The following PDE7B variants were observed in gnomAD, a reference collection of about 807,000 sequenced individuals.
PDE7B encodes 3',5'-cyclic-AMP phosphodiesterase 7B.
A neutral mutation model predicts 56.2 loss-of-function variants in PDE7B; 29 were observed. The observed-to-expected ratio is 0.52, with a 90% confidence interval of 0.38 to 0.70. PDE7B has a LOEUF of 0.70. Ranked by LOEUF, PDE7B falls within the 30% of genes least tolerant of loss-of-function variation. The pLI, the probability that PDE7B is intolerant of heterozygous loss-of-function variation, is 0.00. For synonymous variants in PDE7B, 197 were observed against 196.9 expected, an observed-to-expected ratio of 1.00 and a Z score of 0.00; for missense variants, 490 against 565.0, an observed-to-expected ratio of 0.87 and a Z score of 1.35.
At chr6:136,159,841 A>C (rs1778673711) in intron 8 of PDE7B, among the ~76,000 whole-genome samples, 1 of 152,196 alleles carries the variant, frequency 6.6e-6, no homozygotes, top group Non-Finnish European at 1.5e-5. Context: ...CAACAAATAG[A>C]GGAAAAAAAC....
chr6:136,051,351 T>G (rs867912570), intron 2 of PDE7B, among the ~76,000 whole-genome samples: 1 of 152,272 alleles, frequency 6.6e-6, no homozygotes, highest in Middle Eastern at 3.4e-3. Context: ...CGTCAGCAGT[T>G]TAGATAAGTC....
At position 135,894,556 on chromosome 6, in the gene PDE7B, G is replaced by A. The variant is rs186556071; in HGVS notation, c.21+42537G>A. 2.6e-5 allele frequency among the ~76,000 whole-genome samples: 4 copies of A among 152,170 alleles called. No homozygotes were observed. In the East Asian group the frequency reaches 7.7e-4, roughly 29 times the overall value. On this transcript the variant is annotated intron_variant, in intron 1 of 12. Coordinates refer to ENST00000308191, the MANE Select transcript of PDE7B (RefSeq NM_018945.4). ...TTCTGTTCTAAGACAGAAACATGAGGCAAATGGAGACAAAAGGAGAGAGGA... is the reference window on the plus strand; with the variant it reads ...TTCTGTTCTAAGACAGAAACATGAGACAAATGGAGACAAAAGGAGAGAGGA...
chr6:135,873,346 C>G, intron 1 of PDE7B, among the ~76,000 whole-genome samples: 1 of 152,282 alleles, frequency 6.6e-6, no homozygotes, highest in African/African-American at 2.4e-5. Flanking sequence ...TCTGCTTTGT[C>G]TCCAGGTTTT....
chr6:135,963,938 G>A lies in PDE7B; in HGVS notation c.82+16414G>A, dbSNP rs7749002. Among the ~76,000 whole-genome samples, 589 of 152,268 alleles carry A rather than the reference G, an allele frequency of 3.9e-3. 6 individuals carry two copies. Among genetic ancestry groups the A allele is most frequent in the African/African-American group, 0.013 (535 of 41,546 alleles). On this transcript the variant is annotated intron_variant, in intron 2 of 12. Transcript: ENST00000308191. ...GTCCAGTGAGCTCTAAAGAGGCCCTGAAAGGTTGTTCAGGGACAGCATCCT... is the reference window on the plus strand; with the variant it reads ...GTCCAGTGAGCTCTAAAGAGGCCCTAAAAGGTTGTTCAGGGACAGCATCCT...
chr6:135,878,531 T>A (rs9483886), intron 1 of PDE7B, among the ~76,000 whole-genome samples: 18,243 of 152,218 alleles, frequency 0.12, 3,065 homozygotes, highest in African/African-American at 0.38. Flanking sequence ...CAGATGTCGC[T>A]ATTACAAAGA....
rs554629830 is a variant in PDE7B at position 136,166,104 on chromosome 6, G to A, written c.712-7693G>A. 2.0e-5 allele frequency among the ~76,000 whole-genome samples: 3 copies of A among 152,184 alleles called. No homozygotes were observed. The South Asian group carries it at 6.2e-4, about 32-fold the overall frequency. ...ATTGTTGTTACTGCTTAGGTTATTT[G>A]ATATCCCCACTGTGCTGCCATGTGT... On this transcript the variant is annotated intron_variant, in intron 8 of 12. Transcript: ENST00000308191.
chr6:135,990,493 T>C (rs1775460505), intron 2 of PDE7B, among the ~76,000 whole-genome samples: 1 of 152,174 alleles, frequency 6.6e-6, no homozygotes, highest in Non-Finnish European at 1.5e-5. Context: ...GGTGAGGGTT[T>C]TCGAGGCTCC....
chr6:135,876,940 T>C (rs548769600), intron 1 of PDE7B, among the ~76,000 whole-genome samples: 1 of 152,342 alleles, frequency 6.6e-6, no homozygotes, highest in East Asian at 1.9e-4. Context: ...CTATACTTCA[T>C]TGTGAAAATG....
At chr6:136,167,228 C>A (rs1209757340) in intron 8 of PDE7B, among the ~76,000 whole-genome samples, 1 of 152,190 alleles carries the variant, frequency 6.6e-6, no homozygotes, top group African/African-American at 2.4e-5. Flanking sequence ...TATCTTCTAA[C>A]ATGCTATCCA....
intron 1 of PDE7B, among the ~76,000 whole-genome samples, chr6:135,877,176 T>G (rs17065041): frequency 0.045 from 6,866 of 152,232 alleles, 336 homozygotes; most frequent in African/African-American, 0.12. Flanking sequence ...TTTTGTGGAT[T>G]CCTTGACATT....
In PDE7B at chr6:136,113,818, G is replaced by A. The variant is rs1005667223; in HGVS notation, c.166+5004G>A. Among the ~76,000 whole-genome samples, 12 of 152,192 alleles carry A rather than the reference G, an allele frequency of 7.9e-5. No homozygotes were observed. In the South Asian group the frequency reaches 8.3e-4, roughly 10 times the overall value. On this transcript the variant is annotated intron_variant, in intron 3 of 12. Transcript: ENST00000308191. The stretch of plus-strand genomic sequence containing the variant: ...AATTACAACCTTCTGCAGAGCAGGC[G>A]GCTCCAGCAGCCCCGTCTACAGCTC...
At chr6:135,974,814 A>C (rs1167153535) in intron 2 of PDE7B, among the ~76,000 whole-genome samples, 1 of 152,106 alleles carries the variant, frequency 6.6e-6, no homozygotes, top group Non-Finnish European at 1.5e-5. Flanking sequence ...TTCTGATCCA[A>C]AGGTTCAAAA....
chr6:136,154,132 C>T lies in PDE7B; in HGVS notation c.536C>T (p.Ala179Val), dbSNP rs1562507712. The T allele has an allele frequency of 6.2e-7, 1 of 1,613,876 alleles. No homozygotes were observed. The highest frequency in any genetic ancestry group is 1.1e-5 in the South Asian group (1 of 91,066). The change falls in exon 7 of 13, where the codon GCC becomes GTC. Residue 179 changes from alanine to valine, a missense_variant. By Grantham distance (64) the Ala-to-Val change is moderately conservative (BLOSUM62 0). Transcript: ENST00000308191. Reference protein sequence around the residue: ...QNPYHNAVHAADVTQAMHCYL... With the variant: ...QNPYHNAVHAVDVTQAMHCYL... ...CCGTATCACAATGCTGTTCACGCAGCCGACGTCACCCAGGCCATGCACTGC... is the reference window on the plus strand; with the variant it reads ...CCGTATCACAATGCTGTTCACGCAGTCGACGTCACCCAGGCCATGCACTGC...
Position 136,006,740 on chromosome 6 carries a change from T to C in PDE7B, c.82+59216T>C, listed in dbSNP as rs548775459. ...TATTGTTAGTGTATAGAAAAGCTGG[T>C]GATTTTTCTACATTGATTTTGTATC... On this transcript the variant is annotated intron_variant, in intron 2 of 12. Coordinates refer to ENST00000308191, the MANE Select transcript of PDE7B (RefSeq NM_018945.4). 1.8e-4 allele frequency among the ~76,000 whole-genome samples: 28 copies of C among 152,304 alleles called. 1 individual carries two copies. In the East Asian group the frequency reaches 4.6e-3, roughly 25 times the overall value.
At chr6:136,087,252 A>T (rs1355427067) in intron 2 of PDE7B, among the ~76,000 whole-genome samples, 1 of 152,202 alleles carries the variant, frequency 6.6e-6, no homozygotes, top group African/African-American at 2.4e-5. Flanking sequence ...AGGGTGACTA[A>T]TTCACCATCT....
rs948738463 is a variant in PDE7B, at chr6:135,926,085, T to TGG, written c.22-21365_22-21364dup. Among the ~76,000 whole-genome samples, 101 of 16,130 alleles carry TGG rather than the reference T, an allele frequency of 6.3e-3. 1 individual carries two copies. The highest frequency in any genetic ancestry group is 0.013 in the Admixed American group (14 of 1,100). The allele number at this position is 16,130 out of a possible 152,430, so 10.6% of individuals were successfully genotyped here. On this transcript the variant is annotated intron_variant, in intron 1 of 12. Coordinates refer to ENST00000308191, the MANE Select transcript of PDE7B (RefSeq NM_018945.4). Reference sequence around the variant, plus strand: ...GCATGCTTCTGTTTTTTCTTTTTTTTGGGGGGGGGGGGGGGAGGGGGGATG... The same window carrying TGG: ...GCATGCTTCTGTTTTTTCTTTTTTTTGGGGGGGGGGGGGGGGGAGGGGGGATG...
rs578048171 is a variant in PDE7B at position 136,134,516 on chromosome 6, T to C, written c.167-12835T>C. 7.2e-4 allele frequency among the ~76,000 whole-genome samples: 110 copies of C among 152,176 alleles called. 1 individual carries two copies. Among genetic ancestry groups the C allele is most frequent in the Admixed American group, 4.1e-3 (63 of 15,262 alleles). ...TTGCGCCTGGCATGTATTTCTTCTT[T>C]AGGACTGAGGAAACTTGATCTGCTT... On this transcript the variant is annotated intron_variant, in intron 3 of 12. Transcript: ENST00000308191.
rs535943121 is a variant in PDE7B, at chr6:136,064,370, A to G, written c.83-44361A>G. ...CAGTTTTTTAATCTCTTAAATGCAA[A>G]AGCTACCCACCTGCTTCTCTGTTGG... On this transcript the variant is annotated intron_variant, in intron 2 of 12. Coordinates refer to ENST00000308191, the MANE Select transcript of PDE7B (RefSeq NM_018945.4). The G allele has an allele frequency of 3.3e-5, 5 of 152,296 alleles. No individual in the cohort carries two copies. In the South Asian group the frequency reaches 1.0e-3, roughly 32 times the overall value. 9.4% of individuals were successfully genotyped at this position (152,296 alleles called of 1,614,324 possible).
At chr6:135,917,969 C>A (rs1024371829) in intron 1 of PDE7B, among the ~76,000 whole-genome samples, 6 of 152,216 alleles carry the variant, frequency 3.9e-5, no homozygotes, top group Admixed American at 3.9e-4. Flanking sequence ...ATCTTCATTT[C>A]ACTCACAGCT....
Sources: allele counts gnomAD v4.1 joint callset (sites outside exome capture counted in the v4.1 genomes callset), GRCh38; gene constraint gnomAD v4.1.1; transcripts MANE v1.5; gene names NCBI Gene and HGNC (gene_info 2026-07-23, HGNC 2026-07-21).